The following PEAK1 variants were observed in gnomAD, a reference collection of about 807,000 sequenced individuals.
The protein encoded by PEAK1 is pseudopodium enriched atypical kinase 1, also known as inactive tyrosine-protein kinase PEAK1.
Under a neutral mutation model 124.7 loss-of-function variants are expected in PEAK1, and 54 were observed. The ratio of observed to expected loss-of-function variants is 0.43; its 90% CI spans 0.35 to 0.54. The LOEUF is 0.54. PEAK1 is among the 20% of genes least tolerant of loss of function. The probability of loss-of-function intolerance (pLI) is 0.01; values close to 1 mark genes in which losing one functional copy is unlikely to be tolerated. For synonymous variants in PEAK1, 719 were observed against 760.0 expected, an observed-to-expected ratio of 0.95 and a Z score of 0.89; for missense variants, 2,046 against 2,134.5, an observed-to-expected ratio of 0.96 and a Z score of 0.82.
intron 6 of PEAK1, among the ~76,000 whole-genome samples, chr15:77,230,982 T>G (rs987837700): frequency 3.9e-5 from 6 of 152,100 alleles, no homozygotes; most frequent in Non-Finnish European, 7.4e-5. Flanking sequence ...AAAAAAGATC[T>G]GAGACTTTAT....
rs189000508 is a variant in PEAK1, at chr15:77,310,876, T to C, written c.-602-24372A>G. Among the ~76,000 whole-genome samples, 746 of 152,300 alleles carry C rather than the reference T, an allele frequency of 4.9e-3. 14 individuals carry two copies. The highest frequency in any genetic ancestry group is 0.017 in the African/African-American group (710 of 41,564). ...TTCTGAGATGACAGGGAGCATAGTA[T>C]GTTTAAAGAACTAAACAAACAAACA... On this transcript the variant is annotated intron_variant, in intron 2 of 9. Transcript: ENST00000682557.
intron 5 of PEAK1, among the ~76,000 whole-genome samples, chr15:77,279,368 T>C (rs1184956087): frequency 2.0e-5 from 3 of 152,152 alleles, no homozygotes; most frequent in Non-Finnish European, 2.9e-5. Context: ...TGTTTTTATG[T>C]TCTTTTCTCC....
exon 7 of PEAK1, chr15:77,102,862 A>G (rs1034307644): frequency 5.3e-5 from 8 of 152,112 alleles, no homozygotes; most frequent in African/African-American, 1.9e-4. Context: ...CTGACTCTGA[A>G]AACCATTTTG....
chr15:77,290,500 G>A (rs1256113387), intron 2 of PEAK1, among the ~76,000 whole-genome samples: 2 of 151,406 alleles, frequency 1.3e-5, no homozygotes, highest in Non-Finnish European at 2.9e-5. Context: ...TGATACACCC[G>A]CTTCAGCCTC....
intron 1 of PEAK1, chr15:77,418,842 G>T (rs2073105396): frequency 1.0e-6 from 1 of 985,318 alleles, no homozygotes; most frequent in African/African-American, 1.7e-5. Flanking sequence ...AAAAAAAGAC[G>T]CTGTGGCTGA....
intron 5 of PEAK1, chr15:77,278,805 GTT>G (rs1218880825): frequency 1.7e-5 from 5 of 285,894 alleles, no homozygotes; most frequent in Non-Finnish European, 3.4e-5. Flanking sequence ...TTTTTATCAA[GTT>G]TTATAAAAAT....
intron 7 of PEAK1, among the ~76,000 whole-genome samples, chr15:77,171,440 C>T (rs1183878103): frequency 6.6e-6 from 1 of 151,696 alleles, no homozygotes; most frequent in East Asian, 1.9e-4. Flanking sequence ...TTAAACACCA[C>T]ATGTTCTCAC....
chr15:77,327,027 A>T (rs2065620956), intron 2 of PEAK1, among the ~76,000 whole-genome samples: 1 of 152,162 alleles, frequency 6.6e-6, no homozygotes, highest in South Asian at 2.1e-4. Flanking sequence ...CACTTAAAGC[A>T]AGGCTTTAGA....
intron 6 of PEAK1, among the ~76,000 whole-genome samples, chr15:77,247,543 C>T (rs1262771137): frequency 8.5e-5 from 10 of 117,654 alleles, no homozygotes; most frequent in Non-Finnish European, 1.1e-4. Flanking sequence ...GGCTGGAGTG[C>T]AATGGCACAA....
chr15:77,291,464 C>T (rs2063208708), intron 2 of PEAK1, among the ~76,000 whole-genome samples: 1 of 152,090 alleles, frequency 6.6e-6, no homozygotes, highest in African/African-American at 2.4e-5. Flanking sequence ...AAGAGAATAA[C>T]ATCAACCATA....
At chr15:77,350,159 A>C (rs1567293462) in intron 2 of PEAK1, 1 of 985,328 alleles carries the variant, frequency 1.0e-6, no homozygotes, top group Non-Finnish European at 1.2e-6. Context: ...GCACAAAAGT[A>C]ATCTCTGAGT....
intron 1 of PEAK1, among the ~76,000 whole-genome samples, chr15:77,372,177 T>C (rs1392520186): frequency 6.6e-6 from 1 of 152,312 alleles, no homozygotes; most frequent in African/African-American, 2.4e-5. Flanking sequence ...AGAAGATGCA[T>C]TGCTCCACTG....
At chr15:77,336,402 G>C in intron 2 of PEAK1, 2 of 985,344 alleles carry the variant, frequency 2.0e-6, no homozygotes, top group Non-Finnish European at 2.4e-6. Context: ...TTTCCACTCA[G>C]GAGTCCCTTC....
intron 2 of PEAK1, chr15:77,334,996 G>C: frequency 1.0e-6 from 1 of 985,410 alleles, no homozygotes; most frequent in Non-Finnish European, 1.2e-6. Flanking sequence ...TCTGAACAGG[G>C]TTTGAGGCAG....
intron 1 of PEAK1, among the ~76,000 whole-genome samples, chr15:77,372,815 A>G (rs1030213157): frequency 6.6e-6 from 1 of 152,220 alleles, no homozygotes; most frequent in East Asian, 1.9e-4. Flanking sequence ...TGTTCTCATG[A>G]TAAGAGTTCT....
At position 77,349,876 on chromosome 15, in the gene PEAK1, A is replaced by C. The variant is rs7182483; in HGVS notation, c.-603+15287T>G. The C allele has an allele frequency of 1.9e-4, 185 of 985,382 alleles. No individual in the cohort carries two copies. The African/African-American group carries it at 3.1e-3, about 16-fold the overall frequency. The allele number at this position is 985,382 out of a possible 1,614,324, so 61.0% of individuals were successfully genotyped here. A position where few individuals can be genotyped will look rare whatever the true frequency, so the allele number is the denominator to read the frequency against. The stretch of plus-strand genomic sequence containing the variant: ...CAAGTGGAGAGGAGCCAACTGAACA[A>C]TATGGTATCTAAAAAACAGACACAT... On this transcript the variant is annotated intron_variant, in intron 2 of 9. Coordinates refer to ENST00000682557, the MANE Select transcript of PEAK1 (RefSeq NM_001385026.1).
In PEAK1 at chr15:77,180,038, A is replaced by G. The variant is rs1260996617; in HGVS notation, c.1889T>C (p.Ile630Thr). The G allele has an allele frequency of 1.2e-6, 2 of 1,614,072 alleles. No individual in the cohort carries two copies. Among genetic ancestry groups the G allele is most frequent in the Admixed American group, 1.7e-5 (1 of 60,018 alleles). ...SKNAIKVPIV[I>T]NPNAYDNLAI... ...TAGATTGTCATATGCATTTGGATTG[A>G]TAACAATGGGAACTTTGATAGCATT... is the stretch of plus-strand genomic sequence containing the variant. Residue 630 changes from isoleucine to threonine, a missense_variant, in exon 7 of 10, where the codon ATC (isoleucine) becomes ACC (threonine). Transcript: ENST00000682557.
intron 1 of PEAK1, chr15:77,381,546 G>T: frequency 1.2e-6 from 1 of 834,500 alleles, no homozygotes; most frequent in Non-Finnish European, 1.4e-6. Flanking sequence ...AATTCATTGA[G>T]TAAACAGAAA....
At chr15:77,268,573 A>C (rs1377647594) in intron 5 of PEAK1, among the ~76,000 whole-genome samples, 3 of 152,130 alleles carry the variant, frequency 2.0e-5, no homozygotes, top group African/African-American at 7.2e-5. Context: ...AGAAATCTAA[A>C]AGTTTGGAAA....
Sources: allele counts gnomAD v4.1 joint callset (sites outside exome capture counted in the v4.1 genomes callset), GRCh38; gene constraint gnomAD v4.1.1; transcripts MANE v1.5; gene names NCBI Gene and HGNC (gene_info 2026-07-23, HGNC 2026-07-21).